Variants in SLC22A23 observed in about 807,000 individuals in gnomAD.
SLC22A23 encodes the protein ion transporter protein.
In SLC22A23, 26 loss-of-function variants were observed where a neutral mutation model predicts 61.0. The observed-to-expected ratio is 0.43, with a 90% CI of 0.31 to 0.59. The LOEUF is 0.59. SLC22A23 is among the 20% of genes least tolerant of loss of function. The pLI, the probability that SLC22A23 is intolerant of heterozygous loss-of-function variation, is 0.11. For synonymous variants in SLC22A23, 430 were observed against 413.9 expected (o/e 1.04, Z -0.47); for missense variants, 796 against 934.7 (o/e 0.85, Z 1.94).
chr6:3,317,749 A>G lies in SLC22A23; in HGVS notation c.1082+6085T>C, dbSNP rs1360554849. ...CTACTTTCAGGTGAAAAACACTCACAAGGGCTCTTTCTTCTGCCGCTCCTG... is the reference window on the plus strand; with the variant it reads ...CTACTTTCAGGTGAAAAACACTCACGAGGGCTCTTTCTTCTGCCGCTCCTG... On this transcript the variant is annotated intron_variant, in intron 4 of 9. Coordinates refer to ENST00000406686, the MANE Select transcript of SLC22A23 (RefSeq NM_015482.2). The surrounding 1 kb of genome is among the most constrained non-coding windows in gnomAD (Gnocchi z 4.4). Among the ~76,000 whole-genome samples, 1 of 152,136 alleles carries G rather than the reference A, an allele frequency of 6.6e-6. No individual in the cohort carries two copies. Among genetic ancestry groups the G allele is most frequent in the Non-Finnish European group, 1.5e-5 (1 of 68,018 alleles).
chr6:3,310,747 G>T (rs1213962438), intron 4 of SLC22A23, among the ~76,000 whole-genome samples: 4 of 152,172 alleles, frequency 2.6e-5, no homozygotes, highest in Non-Finnish European at 5.9e-5. Flanking sequence ...ATAGACAAGT[G>T]TACTATGTTG....
rs78115043 is a variant in SLC22A23 at position 3,390,363 on chromosome 6, C to G, written c.913+19825G>C. Among the ~76,000 whole-genome samples the G allele has an allele frequency of 9.5e-3, 1,445 of 152,268 alleles. 17 individuals are homozygous for G. The highest frequency in any genetic ancestry group is 0.017 in the Non-Finnish European group (1,141 of 68,030). On this transcript the variant is annotated intron_variant, in intron 3 of 9. Transcript: ENST00000406686. The surrounding 1 kb of genome is among the most constrained non-coding windows in gnomAD (Gnocchi z 4.0). ...AGAATGCAGAGAGATCTAAGTAGAT[C>G]CTGCATCCCTCTTCTCTGCCCCACT...
intron 9 of SLC22A23, chr6:3,276,571 TC>T (rs1353026671): frequency 6.5e-6 from 1 of 152,760 alleles, no homozygotes; most frequent in Non-Finnish European, 1.5e-5. Context: ...CTTCCTCCTG[TC>T]CTCTGCCTTT....
Position 3,309,428 on chromosome 6 carries a change from G to A in SLC22A23, c.1083-11210C>T, listed in dbSNP as rs934242346. On this transcript the variant is annotated intron_variant, in intron 4 of 9. Coordinates refer to ENST00000406686, the MANE Select transcript of SLC22A23 (RefSeq NM_015482.2). The surrounding 1 kb of genome is among the most constrained non-coding windows in gnomAD (Gnocchi z 4.7). The stretch of plus-strand genomic sequence containing the variant: ...ACTTGCTTCACAGAGGCGCGCCCAG[G>A]GTCTTCAGACAACTGAATCCTAGCT... 6.6e-6 allele frequency among the ~76,000 whole-genome samples: 1 copy of A among 152,166 alleles called. No individual in the cohort carries two copies. The highest frequency in any genetic ancestry group is 1.5e-5 in the Non-Finnish European group (1 of 68,036).
Position 3,283,885 on chromosome 6 carries a change from A to AGGCTGTGCGCTG in SLC22A23, c.1669_1670insCAGCGCACAGCC (p.Phe557delinsSerAlaHisSerLeu). On this transcript the variant is annotated protein_altering_variant, in exon 9 of 10. Transcript: ENST00000406686. ...CGTCGGGGTGATCTCCGCACAGAAG[A>AGGCTGTGCGCTG]ACACGCTGAGGCTCCCCACCGCATG... 1 of 1,613,476 alleles carries AGGCTGTGCGCTG rather than the reference A, an allele frequency of 6.2e-7. No individual in the cohort carries two copies. The highest frequency in any genetic ancestry group is 8.5e-7 in the Non-Finnish European group (1 of 1,179,588).
intron 5 of SLC22A23, among the ~76,000 whole-genome samples, chr6:3,295,260 T>A (rs531672142): frequency 5.1e-4 from 77 of 152,014 alleles, no homozygotes; most frequent in Middle Eastern, 3.4e-3. Flanking sequence ...TAACAGTGAA[T>A]AACTGGGGGC....
At chr6:3,303,471 G>C (rs1761759739) in intron 4 of SLC22A23, 1 of 152,120 alleles carries the variant, frequency 6.6e-6, no homozygotes, top group Non-Finnish European at 1.5e-5. Context: ...CAGATGACTG[G>C]AAAAAGAAAA....
rs1772294939 is a variant in SLC22A23 at position 3,454,431 on chromosome 6, A to T, written c.654+1475T>A. Among the ~76,000 whole-genome samples, 1 of 152,222 alleles carries T rather than the reference A, an allele frequency of 6.6e-6. No homozygotes were observed. The highest frequency in any genetic ancestry group is 2.1e-4 in the South Asian group (1 of 4,830). On this transcript the variant is annotated intron_variant, in intron 1 of 9. Transcript: ENST00000406686. The surrounding 1 kb of genome is among the most constrained non-coding windows in gnomAD (Gnocchi z 4.3). The stretch of plus-strand genomic sequence containing the variant: ...CCCCAGGACACAGCGCTCTTCACAC[A>T]TACTCACTTTGATCCATTATTCTCC...
chr6:3,441,051 G>A (rs1771560312), intron 1 of SLC22A23, among the ~76,000 whole-genome samples: 1 of 152,238 alleles, frequency 6.6e-6, no homozygotes, highest in African/African-American at 2.4e-5. Context: ...GGAGGCAGGA[G>A]CACTGGGCAC....
chr6:3,293,701 T>C (rs1760824021), intron 5 of SLC22A23, among the ~76,000 whole-genome samples: 1 of 152,246 alleles, frequency 6.6e-6, no homozygotes, highest in Non-Finnish European at 1.5e-5. Flanking sequence ...CATACCTTGC[T>C]TTCATCACTT....
chr6:3,348,315 C>A (rs1185645660), intron 3 of SLC22A23, among the ~76,000 whole-genome samples: 2 of 152,202 alleles, frequency 1.3e-5, no homozygotes, highest in African/African-American at 2.4e-5. Context: ...GGCCTCTGAA[C>A]CAAAGCCTAG....
chr6:3,276,739 C>G (rs1366255752), intron 9 of SLC22A23: 1 of 152,236 alleles, frequency 6.6e-6, no homozygotes, highest in Non-Finnish European at 1.5e-5. Context: ...GGTACAGGGT[C>G]TTCGTTAATG....
chr6:3,285,020 A>G (rs1222368665), intron 8 of SLC22A23, 59 bp downstream of exon 8: 16 of 1,599,050 alleles, frequency 1.0e-5, no homozygotes, highest in Non-Finnish European at 1.3e-5. Context: ...TCTTCGAGAA[A>G]ACACCCATTT....
In SLC22A23 at chr6:3,317,461, A is replaced by G. The variant is rs1762706616; in HGVS notation, c.1082+6373T>C. On this transcript the variant is annotated intron_variant, in intron 4 of 9. Transcript: ENST00000406686. The surrounding 1 kb of genome is among the most constrained non-coding windows in gnomAD (Gnocchi z 4.4). ...AGCGCATCTAAGCAGAATTCCTCCT[A>G]GATGCTCCTAGATACTCCCTTCTTC... Among the ~76,000 whole-genome samples, 1 of 152,040 alleles carries G rather than the reference A, an allele frequency of 6.6e-6. No individual in the cohort carries two copies.
chr6:3,341,444 G>A (rs1764147188), intron 3 of SLC22A23, among the ~76,000 whole-genome samples: 1 of 152,126 alleles, frequency 6.6e-6, no homozygotes, highest in African/African-American at 2.4e-5. Flanking sequence ...AAAACTCTGA[G>A]GTGGATGGGT....
chr6:3,342,775 T>C lies in SLC22A23; in HGVS notation c.914-18773A>G, dbSNP rs1057332980. Reference sequence around the variant, plus strand: ...CCTCCACCCTCCTAGGGTCAGTGCTTGGGGCCTGTGAATTAAACTGACAAA... The same window carrying C: ...CCTCCACCCTCCTAGGGTCAGTGCTCGGGGCCTGTGAATTAAACTGACAAA... On this transcript the variant is annotated intron_variant, in intron 3 of 9. Coordinates refer to ENST00000406686, the MANE Select transcript of SLC22A23 (RefSeq NM_015482.2). This position sits in a 1 kb window ranked among gnomAD's most constrained non-coding sequence, Gnocchi z 4.0. 2.0e-5 allele frequency among the ~76,000 whole-genome samples: 3 copies of C among 152,140 alleles called. No homozygotes were observed. Among genetic ancestry groups the C allele is most frequent in the African/African-American group, 7.2e-5 (3 of 41,434 alleles).
At chr6:3,285,242 G>A (rs537901417) in intron 7 of SLC22A23, 131 bp from the exon 8 acceptor site, 138 of 1,290,254 alleles carry the variant, frequency 1.1e-4, no homozygotes, top group Non-Finnish European at 1.3e-4. Context: ...ACTCCCTTCC[G>A]TGTCTGGGAT....
intron 1 of SLC22A23, among the ~76,000 whole-genome samples, chr6:3,419,206 C>T (rs1235216864): frequency 6.6e-6 from 1 of 152,142 alleles, no homozygotes; most frequent in African/African-American, 2.4e-5. Flanking sequence ...TAGTCACCTC[C>T]CTCCCCATCA....
chr6:3,455,657 G>A (rs1298412958), intron 1 of SLC22A23, among the ~76,000 whole-genome samples: 1 of 152,266 alleles, frequency 6.6e-6, no homozygotes, highest in East Asian at 1.9e-4. Context: ...GAGGGTGGGG[G>A]AAGGGCGCGC....
Sources: allele counts gnomAD v4.1 joint callset (sites outside exome capture counted in the v4.1 genomes callset), GRCh38; gene constraint gnomAD v4.1.1; non-coding constraint Gnocchi (gnomAD v3.1); transcripts MANE v1.5; gene names NCBI Gene and HGNC (gene_info 2026-07-23, HGNC 2026-07-21).